Variants in PPARGC1A observed in about 807,000 individuals in gnomAD.
The protein encoded by PPARGC1A is peroxisome proliferator-activated receptor gamma coactivator 1-alpha.
In PPARGC1A, 25 loss-of-function variants were observed where a neutral mutation model predicts 88.7. The observed-to-expected ratio is 0.28, with a 90% confidence interval of 0.21 to 0.39. The LOEUF (loss-of-function observed/expected upper bound fraction) is 0.39. Among genes scored for constraint, PPARGC1A ranks in the 10% least tolerant of loss-of-function variants. The pLI is 1.00. For synonymous variants in PPARGC1A, 363 were observed against 355.6 expected (o/e 1.02, Z -0.24); for missense variants, 880 against 968.7 (o/e 0.91, Z 1.22).
the PPARGC1A span, among the ~76,000 whole-genome samples, chr4:24,198,236 A>G: frequency 1.3e-5 from 2 of 152,170 alleles, no homozygotes; most frequent in Admixed American, 6.5e-5. Flanking sequence ...TAAATAACCA[A>G]AGTATTTGCT....
the PPARGC1A span, among the ~76,000 whole-genome samples, chr4:24,079,380 AT>A: frequency 3.3e-5 from 5 of 151,806 alleles, no homozygotes; most frequent in African/African-American, 1.2e-4. Flanking sequence ...ATGTGACTAC[AT>A]TTTTTTCATA....
the PPARGC1A span, among the ~76,000 whole-genome samples, chr4:24,152,953 TTAAA>T: frequency 6.6e-6 from 1 of 152,236 alleles, no homozygotes; most frequent in Non-Finnish European, 1.5e-5. Flanking sequence ...AAGACATTAA[TTAAA>T]TAATTAGCCT....
At chr4:23,961,620 A>T in the PPARGC1A span, among the ~76,000 whole-genome samples, 1 of 152,150 alleles carries the variant, frequency 6.6e-6, no homozygotes, top group Non-Finnish European at 1.5e-5. Context: ...CTGCATTGTA[A>T]CCACATGGTG....
chr4:24,051,187 C>CAAAAA, the PPARGC1A span, among the ~76,000 whole-genome samples: 24 of 58,580 alleles, frequency 4.1e-4, no homozygotes, highest in African/African-American at 8.6e-4. Flanking sequence ...GACTCTGTCT[C>CAAAAA]AAAAAAAAAA....
At chr4:24,014,457 T>C in the PPARGC1A span, among the ~76,000 whole-genome samples, 1 of 152,198 alleles carries the variant, frequency 6.6e-6, no homozygotes, top group Non-Finnish European at 1.5e-5. Flanking sequence ...AACAATGCAC[T>C]TTTATTATCT....
chr4:24,235,072 G>A, the PPARGC1A span, among the ~76,000 whole-genome samples: 1 of 152,098 alleles, frequency 6.6e-6, no homozygotes, highest in Non-Finnish European at 1.5e-5. Context: ...TTTTAGTAAT[G>A]ATGCATCAAG....
At chr4:23,820,303 T>C (rs1722770180) in intron 7 of PPARGC1A, 1 of 152,476 alleles carries the variant, frequency 6.6e-6, no homozygotes, top group Non-Finnish European at 1.5e-5. Context: ...TGATGACATC[T>C]GATTATATTT....
chr4:23,952,389 G>A, the PPARGC1A span, among the ~76,000 whole-genome samples: 46 of 152,074 alleles, frequency 3.0e-4, 1 homozygote, highest in South Asian at 4.1e-3. Context: ...GTGAAGCACC[G>A]CCAGAAAACC....
At chr4:24,377,601 G>A in the PPARGC1A span, among the ~76,000 whole-genome samples, 1 of 152,082 alleles carries the variant, frequency 6.6e-6, no homozygotes, top group African/African-American at 2.4e-5. Context: ...ATGGTTTCGT[G>A]GGCATTTGGA....
chr4:24,254,670 G>A, the PPARGC1A span, among the ~76,000 whole-genome samples: 1 of 152,210 alleles, frequency 6.6e-6, no homozygotes, highest in Non-Finnish European at 1.5e-5. Context: ...GGCGTGACGT[G>A]AAAGAAGGAT....
chr4:23,817,100 T>C lies in PPARGC1A; in HGVS notation c.878-2495A>G, dbSNP rs535765215. Among the ~76,000 whole-genome samples the C allele has an allele frequency of 2.0e-5, 3 of 152,270 alleles. No individual in the cohort carries two copies. In the East Asian group the frequency reaches 5.8e-4, roughly 29 times the overall value. On this transcript the variant is annotated intron_variant, in intron 7 of 12. Coordinates refer to ENST00000264867, the MANE Select transcript of PPARGC1A (RefSeq NM_013261.5). ...TCTCAGGTATACATATCTTGACAGA[T>C]ATTTTAGATTTATAAAAAGAAACCT...
the PPARGC1A span, among the ~76,000 whole-genome samples, chr4:24,193,134 T>C: frequency 1.3e-5 from 2 of 152,230 alleles, no homozygotes; most frequent in East Asian, 1.9e-4. Flanking sequence ...ATCAAACTAT[T>C]TGGTATTTTA....
the PPARGC1A span, among the ~76,000 whole-genome samples, chr4:24,358,986 C>T: frequency 1.3e-5 from 2 of 152,244 alleles, no homozygotes; most frequent in Non-Finnish European, 2.9e-5. Flanking sequence ...ATTACAAACA[C>T]TTCAGGCTGG....
intron 2 of PPARGC1A, among the ~76,000 whole-genome samples, chr4:23,837,322 G>A (rs1726192612): frequency 6.8e-6 from 1 of 147,362 alleles, no homozygotes; most frequent in African/African-American, 2.5e-5. Context: ...TTTTTTTTCT[G>A]TACAAAATTT....
the PPARGC1A span, among the ~76,000 whole-genome samples, chr4:24,037,728 G>A: frequency 1.2e-4 from 19 of 152,264 alleles, no homozygotes; most frequent in East Asian, 9.7e-4. Context: ...TTGTGTATGC[G>A]TCTTGCCAAA....
the PPARGC1A span, among the ~76,000 whole-genome samples, chr4:24,452,714 A>G: frequency 6.6e-6 from 1 of 152,214 alleles, no homozygotes; most frequent in Admixed American, 6.5e-5. Context: ...TGCTGGAAAC[A>G]CAAGGATAAA....
intron 10 of PPARGC1A, among the ~76,000 whole-genome samples, chr4:23,808,270 CCT>C (rs1027135835): frequency 2.1e-4 from 31 of 148,722 alleles, no homozygotes; most frequent in Non-Finnish European, 3.3e-4. Flanking sequence ...AAAAAAAAAC[CCT>C]GAGTAATTGC....
At chr4:24,413,532 C>T in the PPARGC1A span, among the ~76,000 whole-genome samples, 2 of 151,474 alleles carry the variant, frequency 1.3e-5, no homozygotes, top group South Asian at 2.1e-4. Flanking sequence ...ATCAAGTCGC[C>T]GAAATAATTA....
the PPARGC1A span, among the ~76,000 whole-genome samples, chr4:23,924,919 A>G: frequency 3.3e-5 from 5 of 152,190 alleles, no homozygotes; most frequent in African/African-American, 1.2e-4. Context: ...CTTTTATAGA[A>G]GAGTGATGGA....
Sources: gnomAD v4.1 joint callset for allele counts (sites outside exome capture counted in the v4.1 genomes callset) on GRCh38, gnomAD v4.1.1 for gene constraint, MANE v1.5 for transcripts, NCBI Gene and HGNC (gene_info 2026-07-23, HGNC 2026-07-21) for gene names.